Variants in TERB1 observed in about 807,000 individuals in gnomAD.
The protein encoded by TERB1 is telomere repeat binding bouquet formation protein 1, also known as telomere repeats-binding bouquet formation protein 1.
TERB1 carries 63 observed loss-of-function variants against 92.3 expected under a neutral mutation model. The ratio of observed to expected loss-of-function variants is 0.68; its 90% confidence interval spans 0.56 to 0.84. The LOEUF (loss-of-function observed/expected upper bound fraction) is 0.84. Ranked by LOEUF, TERB1 falls within the 40% of genes least tolerant of loss-of-function variation. The pLI, the probability that TERB1 is intolerant of heterozygous loss-of-function variation, is 0.00. For missense variants in TERB1, 709 were observed against 843.7 expected (o/e 0.84, Z 1.98); for synonymous variants, 252 against 283.9 (o/e 0.89, Z 1.13).
intron 16 of TERB1, among the ~76,000 whole-genome samples, chr16:66,760,453 T>C (rs1459000829): frequency 2.1e-4 from 15 of 72,966 alleles, no homozygotes; most frequent in African/African-American, 5.5e-4. Context: ...CGAGACTCCA[T>C]CTCAAAAAAA....
chr16:66,768,082 A>C, intron 15 of TERB1, 22 bp downstream of exon 15: 1 of 1,529,706 alleles, frequency 6.5e-7, no homozygotes, highest in Non-Finnish European at 8.9e-7. Context: ...TTAAAAAACC[A>C]AAGAAACATT....
At chr16:66,766,298 G>A (rs1443038111) in intron 16 of TERB1, among the ~76,000 whole-genome samples, 1 of 152,202 alleles carries the variant, frequency 6.6e-6, no homozygotes, top group Non-Finnish European at 1.5e-5. Context: ...AAAAAGATAT[G>A]AGATTCAGCT....
intron 3 of TERB1, among the ~76,000 whole-genome samples, chr16:66,795,457 C>T (rs1283298424): frequency 2.6e-5 from 4 of 152,312 alleles, no homozygotes; most frequent in African/African-American, 9.6e-5. Context: ...CATTTTCCCA[C>T]TTTCCAGCTA....
intron 3 of TERB1, among the ~76,000 whole-genome samples, chr16:66,793,390 G>A (rs1232839799): frequency 6.6e-6 from 1 of 151,004 alleles, no homozygotes; most frequent in African/African-American, 2.4e-5. Flanking sequence ...CTAATTTTCT[G>A]TATTTTTACG....
At chr16:66,775,295 T>G in intron 11 of TERB1, 52 bp from the exon 12 acceptor site, 2 of 1,457,820 alleles carry the variant, frequency 1.4e-6, no homozygotes, top group African/African-American at 1.4e-5. Flanking sequence ...ACTATCTATA[T>G]GAGGTCATAA....
At chr16:66,789,515 C>T (rs1391312832) in intron 5 of TERB1, among the ~76,000 whole-genome samples, 1 of 41,200 alleles carries the variant, frequency 2.4e-5, no homozygotes, top group Non-Finnish European at 3.7e-5. Context: ...ACCTGGGAGG[C>T]GGAGCTTGCA....
intron 18 of TERB1, among the ~76,000 whole-genome samples, chr16:66,755,812 G>C (rs890060676): frequency 6.6e-6 from 1 of 151,980 alleles, no homozygotes; most frequent in Non-Finnish European, 1.5e-5. Context: ...AACAGCTTAC[G>C]TATCTTAGAG....
intron 3 of TERB1, 86 bp downstream of exon 3, chr16:66,796,682 T>C: frequency 1.0e-6 from 1 of 965,138 alleles, no homozygotes; most frequent in Middle Eastern, 2.1e-4. Context: ...AATGATTCTT[T>C]CATTTCCTGG....
Position 66,775,260 on chromosome 16 carries a change from A to G in TERB1, c.986-17T>C. 1.3e-6 allele frequency: 2 copies of G among 1,541,910 alleles called. No individual in the cohort carries two copies. Among genetic ancestry groups the G allele is most frequent in the Non-Finnish European group, 1.8e-6 (2 of 1,138,584 alleles). On this transcript the variant is annotated splice_polypyrimidine_tract_variant and intron_variant, in intron 11 of 18. Coordinates refer to ENST00000433154, the MANE Select transcript of TERB1 (RefSeq NM_001136505.2). ...GATTTTCCTCTGGAAAACATAAACAAAGAGGACAATGTTTTTTATCATAAA... is the reference window on the plus strand; with the variant it reads ...GATTTTCCTCTGGAAAACATAAACAGAGAGGACAATGTTTTTTATCATAAA...
intron 11 of TERB1, among the ~76,000 whole-genome samples, chr16:66,775,841 G>T (rs1240957494): frequency 6.6e-6 from 1 of 150,808 alleles, no homozygotes; most frequent in Non-Finnish European, 1.5e-5. Context: ...CTCCCGAGTA[G>T]CTGGGACTAC....
At chr16:66,764,782 G>C (rs951747826) in intron 16 of TERB1, among the ~76,000 whole-genome samples, 5 of 152,232 alleles carry the variant, frequency 3.3e-5, no homozygotes, top group Admixed American at 6.5e-5. Context: ...AACACTGACA[G>C]AAATGCAGTG....
At chr16:66,788,972 T>C (rs1331379738) in intron 5 of TERB1, among the ~76,000 whole-genome samples, 1 of 143,916 alleles carries the variant, frequency 6.9e-6, no homozygotes, top group Non-Finnish European at 1.5e-5. Context: ...AGATAGATGA[T>C]TACCAGAGGC....
In TERB1 at chr16:66,767,432, A is replaced by C; in HGVS notation, c.1763T>G (p.Leu588Trp). ...FLATPSCSEM[L>W]TYRCSGCIAV... The stretch of plus-strand genomic sequence containing the variant: ...ATACTTACCTGAGCACCTATACGTC[A>C]ACATTTCGGAACAACTGGGAGTTGC... The change falls in exon 16 of 19, where the codon TTG becomes TGG. Residue 588 changes from leucine to tryptophan, a missense_variant. Transcript: ENST00000433154. 1.3e-6 allele frequency: 2 copies of C among 1,527,274 alleles called. No individual in the cohort carries two copies. Among genetic ancestry groups the C allele is most frequent in the Non-Finnish European group, 1.8e-6 (2 of 1,135,032 alleles). 94.6% of individuals were successfully genotyped at this position (1,527,274 alleles called of 1,614,324 possible).
At chr16:66,760,461 AAAAAAAAAAG>A (rs1170706729) in intron 16 of TERB1, among the ~76,000 whole-genome samples, 213 of 83,548 alleles carry the variant, frequency 2.5e-3, no homozygotes, top group Middle Eastern at 0.015. Flanking sequence ...CATCTCAAAA[AAAAAAAAAAG>A]AAAAGAAAAG....
chr16:66,800,692 A>G (rs960761123), intron 2 of TERB1, among the ~76,000 whole-genome samples: 1 of 152,144 alleles, frequency 6.6e-6, no homozygotes, highest in Non-Finnish European at 1.5e-5. Flanking sequence ...GTAATTATAT[A>G]TAGCGAAAAT....
intron 14 of TERB1, among the ~76,000 whole-genome samples, chr16:66,768,788 A>G (rs1246968320): frequency 6.6e-6 from 1 of 152,168 alleles, no homozygotes; most frequent in East Asian, 1.9e-4. Flanking sequence ...GAAAATATTA[A>G]TAAGTTGGCT....
rs142252196 is a variant in TERB1 at position 66,800,705 on chromosome 16, C to T, written c.-33+272G>A. On this transcript the variant is annotated intron_variant, in intron 2 of 18. Transcript: ENST00000433154. ...TTGTAATTATATATAGCGAAAATACCCTCTAAAGAAGACGCAAGAAGAGAG... is the reference window on the plus strand; with the variant it reads ...TTGTAATTATATATAGCGAAAATACTCTCTAAAGAAGACGCAAGAAGAGAG... Among the ~76,000 whole-genome samples the T allele has an allele frequency of 8.3e-4, 126 of 152,026 alleles. 1 individual carries two copies. Among genetic ancestry groups the T allele is most frequent in the African/African-American group, 2.5e-3 (102 of 41,460 alleles).
chr16:66,776,007 G>GC (rs1003835593), intron 11 of TERB1, among the ~76,000 whole-genome samples: 1 of 151,868 alleles, frequency 6.6e-6, no homozygotes, highest in Non-Finnish European at 1.5e-5. Flanking sequence ...ACCATGTCCA[G>GC]CCCCCAAAAG....
rs964576323 is a variant in TERB1 at position 66,774,985 on chromosome 16, C to T, written c.1111+133G>A. Reference sequence around the variant, plus strand: ...GTGCTGGGATTACAGGCATGAGCCACTGTGCAGGGCCTAGTCTGCTTTTCA... The same window carrying T: ...GTGCTGGGATTACAGGCATGAGCCATTGTGCAGGGCCTAGTCTGCTTTTCA... On this transcript the variant is annotated intron_variant, in intron 12 of 18. Transcript: ENST00000433154. The T allele has an allele frequency of 6.4e-5, 58 of 910,290 alleles. No homozygotes were observed. In the African/African-American group the frequency reaches 8.2e-4, roughly 13 times the overall value. 56.4% of individuals were successfully genotyped at this position (910,290 alleles called of 1,614,324 possible). A position where few individuals can be genotyped will look rare whatever the true frequency, so the allele number is the denominator to read the frequency against.
Sources: gnomAD v4.1 joint callset for allele counts (sites outside exome capture counted in the v4.1 genomes callset) on GRCh38, gnomAD v4.1.1 for gene constraint, MANE v1.5 for transcripts, NCBI Gene and HGNC (gene_info 2026-07-23, HGNC 2026-07-21) for gene names.